Variants in TRIM67 observed in about 807,000 individuals in gnomAD.
TRIM67 encodes the protein tripartite motif-containing protein 67.
A neutral mutation model predicts 71.0 loss-of-function variants in TRIM67; 39 were observed. That is an observed-to-expected ratio of 0.55 (90% CI 0.43 to 0.72). The LOEUF (loss-of-function observed/expected upper bound fraction) is 0.72. TRIM67 is among the 30% of genes least tolerant of loss of function. The pLI is 0.00. For synonymous variants in TRIM67, 481 were observed against 473.9 expected, an observed-to-expected ratio of 1.01 and a Z score of -0.19; for missense variants, 973 against 1,079.2, an observed-to-expected ratio of 0.90 and a Z score of 1.38.
rs1684030746 is a variant in TRIM67, at chr1:231,217,048, C to T, written c.*1608C>T. The T allele has an allele frequency of 5.1e-6, 5 of 985,920 alleles. No individual in the cohort carries two copies. The highest frequency in any genetic ancestry group is 6.0e-6 in the Non-Finnish European group (5 of 829,948). 61.1% of individuals were successfully genotyped at this position (985,920 alleles called of 1,614,324 possible). On this transcript the variant is annotated 3_prime_UTR_variant, in exon 10 of 10. Coordinates refer to ENST00000366653, the MANE Select transcript of TRIM67 (RefSeq NM_001004342.5). ...CACCAACTGTGCGTCCTTGGTTCTG[C>T]CTTCCTGTTCAGACACCGCGCCTGC... is the stretch of plus-strand genomic sequence containing the variant.
chr1:231,204,826 C>T (rs1422865551), intron 6 of TRIM67, among the ~76,000 whole-genome samples: 1 of 152,206 alleles, frequency 6.6e-6, no homozygotes, highest in Non-Finnish European at 1.5e-5. Flanking sequence ...GTCAACATTC[C>T]CTTAGTTTCT....
chr1:231,209,097 T>G lies in TRIM67; in HGVS notation c.1970T>G (p.Val657Gly). Residue 657 changes from valine (V) to glycine (G), a missense_variant, in exon 8 of 10, where the codon GTG becomes GGG. Coordinates refer to ENST00000366653, the MANE Select transcript of TRIM67 (RefSeq NM_001004342.5). This position sits in a 1 kb window ranked among gnomAD's most constrained non-coding sequence, Gnocchi z 4.1. The part of the protein sequence containing the change: ...SKGVHYWELH[V>G]DRYDNHPDPA... ...GGCGTGCACTACTGGGAGCTGCACG[T>G]GGACCGGTACGACAACCACCCAGAC... 6.2e-7 allele frequency: 1 copy of G among 1,613,832 alleles called. No homozygotes were observed.
At chr1:231,206,264 TACTAAAA>T (rs1683692443) in intron 6 of TRIM67, among the ~76,000 whole-genome samples, 2 of 151,134 alleles carry the variant, frequency 1.3e-5, no homozygotes, top group African/African-American at 4.9e-5. Context: ...ACCCCATCTC[TACTAAAA>T]TATATATATA....
chr1:231,187,563 T>C lies in TRIM67; in HGVS notation c.1045-9808T>C, dbSNP rs1254171501. The C allele has an allele frequency of 4.6e-6, 7 of 1,532,608 alleles. No individual in the cohort carries two copies. In the South Asian group the frequency reaches 8.4e-5, roughly 18 times the overall value. 94.9% of individuals were successfully genotyped at this position (1,532,608 alleles called of 1,614,324 possible). On this transcript the variant is annotated intron_variant, in intron 1 of 9. Coordinates refer to ENST00000366653, the MANE Select transcript of TRIM67 (RefSeq NM_001004342.5). ...AAAAGGTGAGAGAAATCCCCTGTGGTCCATTTCACAACCTCCTTTGTGCCC... is the reference window on the plus strand; with the variant it reads ...AAAAGGTGAGAGAAATCCCCTGTGGCCCATTTCACAACCTCCTTTGTGCCC...
intron 8 of TRIM67, among the ~76,000 whole-genome samples, chr1:231,212,065 C>G (rs1184547009): frequency 6.6e-6 from 1 of 152,062 alleles, no homozygotes; most frequent in Non-Finnish European, 1.5e-5. Flanking sequence ...CTCTCGGCCA[C>G]GAGTAACGAG....
chr1:231,164,693 C>T (rs1682402987), intron 1 of TRIM67, among the ~76,000 whole-genome samples: 1 of 152,152 alleles, frequency 6.6e-6, no homozygotes, highest in South Asian at 2.1e-4. Context: ...TAAACAGTCA[C>T]CGCAGAGGCA....
Position 231,218,273 on chromosome 1 carries a change from A to G in TRIM67, c.*2833A>G. On this transcript the variant is annotated 3_prime_UTR_variant, in exon 10 of 10. Transcript: ENST00000366653. ...TTACATCATGGTGGCACATTTGTAC[A>G]TACATATAAATGATATCAAGATGAG... 6.1e-6 allele frequency: 6 copies of G among 990,912 alleles called. No homozygotes were observed. Among genetic ancestry groups the G allele is most frequent in the Non-Finnish European group, 7.2e-6 (6 of 833,272 alleles). 61.4% of individuals were successfully genotyped at this position (990,912 alleles called of 1,614,324 possible).
rs2102706876 is a variant in TRIM67, at chr1:231,163,522, A to G, written c.553A>G (p.Ile185Val). Reference protein sequence around the residue: ...GFQRNRLLEAIVQRYQQGRGA... With the variant: ...GFQRNRLLEAVVQRYQQGRGA... Reference sequence around the variant, plus strand: ...CCAGCGCAACCGGCTGCTCGAGGCCATCGTGCAGCGGTACCAGCAGGGCCG... The same window carrying G: ...CCAGCGCAACCGGCTGCTCGAGGCCGTCGTGCAGCGGTACCAGCAGGGCCG... Residue 185 changes from isoleucine to valine, a missense_variant, in exon 1 of 10, where the codon ATC becomes GTC. This residue lies in a region of TRIM67 where 795 missense variants were observed against 831.3 expected (regional missense o/e 0.96). Coordinates refer to ENST00000366653, the MANE Select transcript of TRIM67 (RefSeq NM_001004342.5). The G allele has an allele frequency of 1.3e-6, 2 of 1,517,268 alleles. No individual in the cohort carries two copies. Among genetic ancestry groups the G allele is most frequent in the Non-Finnish European group, 1.8e-6 (2 of 1,138,468 alleles). 94.0% of individuals were successfully genotyped at this position (1,517,268 alleles called of 1,614,324 possible).
intron 3 of TRIM67, 28 bp downstream of exon 3, chr1:231,199,197 A>AAT (rs1191614297): frequency 6.2e-7 from 1 of 1,610,158 alleles, no homozygotes; most frequent in South Asian, 1.1e-5. Flanking sequence ...TGACACATTG[A>AAT]ATCCCTGCCA....
Position 231,215,444 on chromosome 1 carries a change from C to A in TRIM67, c.*4C>A, listed in dbSNP as rs200304034. ...GCCAAAGCTGTCAGGCAATTAGCCC[C>A]GCTCCAGCTCGGCACTGTGCCTGTG... On this transcript the variant is annotated 3_prime_UTR_variant, in exon 10 of 10. Coordinates refer to ENST00000366653, the MANE Select transcript of TRIM67 (RefSeq NM_001004342.5). 6.2e-7 allele frequency: 1 copy of A among 1,603,874 alleles called. No homozygotes were observed. Among genetic ancestry groups the A allele is most frequent in the Non-Finnish European group, 8.5e-7 (1 of 1,174,422 alleles).
chr1:231,190,062 G>A (rs149760103), intron 1 of TRIM67, among the ~76,000 whole-genome samples: 178 of 151,852 alleles, frequency 1.2e-3, no homozygotes, highest in African/African-American at 4.1e-3. Context: ...TCTAGGCTAC[G>A]AGGCTTATGG....
chr1:231,209,053 C>T lies in TRIM67; in HGVS notation c.1926C>T (p.Gly642=), dbSNP rs375362513. Residue 642 remains glycine (G), a synonymous_variant, in exon 8 of 10, where the codon GGC becomes GGT. Coordinates refer to ENST00000366653, the MANE Select transcript of TRIM67 (RefSeq NM_001004342.5). The surrounding 1 kb of genome is among the most constrained non-coding windows in gnomAD (Gnocchi z 4.1). The part of the protein sequence containing the change: ...CSSYDDRVVL[G]TAAFSKGVHY... ...GCTATGACGACCGGGTGGTGCTGGG[C>T]ACAGCTGCGTTCTCCAAGGGCGTGC... is the stretch of plus-strand genomic sequence containing the variant. The T allele has an allele frequency of 1.4e-5, 23 of 1,613,920 alleles. No individual in the cohort carries two copies. The Middle Eastern group carries it at 2.0e-3, about 139-fold the overall frequency.
intron 4 of TRIM67, among the ~76,000 whole-genome samples, 158 bp from the exon 5 acceptor site, chr1:231,201,200 G>A (rs57632781): frequency 0.059 from 9,044 of 152,204 alleles, 447 homozygotes; most frequent in East Asian, 0.24. Context: ...GCCTGTGCTG[G>A]GTGGACAGGA....
At chr1:231,208,465 T>C in intron 7 of TRIM67, among the ~76,000 whole-genome samples, 1 of 152,038 alleles carries the variant, frequency 6.6e-6, no homozygotes, top group East Asian at 1.9e-4. Context: ...TGAACCACCA[T>C]GCCCGGCCAC....
Position 231,217,746 on chromosome 1 carries a change from G to T in TRIM67, c.*2306G>T, listed in dbSNP as rs1175961762. The T allele has an allele frequency of 1.6e-6, 2 of 1,266,596 alleles. No individual in the cohort carries two copies. The highest frequency in any genetic ancestry group is 2.0e-6 in the Non-Finnish European group (2 of 976,404). 78.5% of individuals were successfully genotyped at this position (1,266,596 alleles called of 1,614,324 possible). A position where few individuals can be genotyped will look rare whatever the true frequency, so the allele number is the denominator to read the frequency against. Reference sequence around the variant, plus strand: ...ACCAGGTGGCCCCAGCTCTGCAGAAGAATCGCCCATCATTGGAGCACAAGT... The same window carrying T: ...ACCAGGTGGCCCCAGCTCTGCAGAATAATCGCCCATCATTGGAGCACAAGT... On this transcript the variant is annotated 3_prime_UTR_variant, in exon 10 of 10. Coordinates refer to ENST00000366653, the MANE Select transcript of TRIM67 (RefSeq NM_001004342.5).
intron 1 of TRIM67, among the ~76,000 whole-genome samples, chr1:231,193,195 A>C (rs946386555): frequency 6.6e-6 from 1 of 152,198 alleles, no homozygotes; most frequent in Non-Finnish European, 1.5e-5. Flanking sequence ...CACCTCAAGC[A>C]ATTATTTTGC....
chr1:231,168,573 G>T (rs951904565), intron 1 of TRIM67, among the ~76,000 whole-genome samples: 1 of 152,126 alleles, frequency 6.6e-6, no homozygotes, highest in African/African-American at 2.4e-5. Flanking sequence ...AAAAATTCAC[G>T]TGGATAAAGA....
At position 231,215,900 on chromosome 1, in the gene TRIM67, G is replaced by A; in HGVS notation, c.*460G>A. The A allele has an allele frequency of 1.0e-6, 1 of 992,882 alleles. No individual in the cohort carries two copies. Among genetic ancestry groups the A allele is most frequent in the Non-Finnish European group, 1.2e-6 (1 of 835,288 alleles). The allele number at this position is 992,882 out of a possible 1,614,324, so 61.5% of individuals were successfully genotyped here. ...TCCGTGGGGACCTTGCCTCCTCAGA[G>A]TCCCGAGATTGCAGATTCTCATCAT... On this transcript the variant is annotated 3_prime_UTR_variant, in exon 10 of 10. Transcript: ENST00000366653.
chr1:231,167,785 G>A (rs1250992652), intron 1 of TRIM67, among the ~76,000 whole-genome samples: 1 of 152,118 alleles, frequency 6.6e-6, no homozygotes. Flanking sequence ...CTGCCAAAGG[G>A]CAGGTGGCTT....
Sources: allele counts gnomAD v4.1 joint callset (sites outside exome capture counted in the v4.1 genomes callset), GRCh38; gene constraint gnomAD v4.1.1; regional missense constraint gnomAD v4.1.1; non-coding constraint Gnocchi (gnomAD v3.1); transcripts MANE v1.5; gene names NCBI Gene and HGNC (gene_info 2026-07-23, HGNC 2026-07-21).